WWC1: variants seen among roughly 807,000 people sequenced by gnomAD.
The protein encoded by WWC1 is protein KIBRA.
WWC1 carries 55 observed loss-of-function variants against 138.4 expected under a neutral mutation model. That is an observed-to-expected ratio of 0.40 (90% CI 0.32 to 0.50). The LOEUF (loss-of-function observed/expected upper bound fraction) is 0.50, where lower values mean the gene tolerates loss of function less well. WWC1 is among the 20% of genes least tolerant of loss of function. The pLI, the probability that WWC1 is intolerant of heterozygous loss-of-function variation, is 0.72. For synonymous variants in WWC1, 524 were observed against 564.9 expected (o/e 0.93, Z 1.03); for missense variants, 1,226 against 1,420.4 (o/e 0.86, Z 2.20).
intron 1 of WWC1, among the ~76,000 whole-genome samples, chr5:168,347,024 T>C (rs942326970): frequency 6.6e-6 from 1 of 152,152 alleles, no homozygotes; most frequent in African/African-American, 2.4e-5. Context: ...GCAGGCATTG[T>C]TTCCCTGGAT....
chr5:168,333,092 G>C (rs1298521040), intron 1 of WWC1, among the ~76,000 whole-genome samples: 1 of 152,184 alleles, frequency 6.6e-6, no homozygotes, highest in South Asian at 2.1e-4. Context: ...GCATCTCTGG[G>C]GATGGCACCC....
chr5:168,468,090 T>A, intron 22 of WWC1, 126 bp downstream of exon 22: 1 of 1,471,924 alleles, frequency 6.8e-7, no homozygotes, highest in Non-Finnish European at 9.2e-7. Context: ...GTAACAGATG[T>A]TCATCCTCCG....
rs1481532624 is a variant in WWC1 at position 168,444,563 on chromosome 5, A to C, written c.2503A>C (p.Thr835Pro). Residue 835 changes from threonine to proline, a missense_variant, in exon 17 of 23, where the codon ACA (threonine) becomes CCA (proline). Transcript: ENST00000265293. Reference protein sequence around the residue: ...LEKRQEGRSSTQTLEDSWRYE... With the variant: ...LEKRQEGRSSPQTLEDSWRYE... ...GAAGAGGCAGGAGGGCAGGAGCAGC[A>C]CACAGACACTGGAAGACAGCTGGTG... 1 of 1,612,672 alleles carries C rather than the reference A, an allele frequency of 6.2e-7. No individual in the cohort carries two copies. The highest frequency in any genetic ancestry group is 8.5e-7 in the Non-Finnish European group (1 of 1,179,610).
intron 1 of WWC1, among the ~76,000 whole-genome samples, chr5:168,320,988 A>G (rs934074119): frequency 6.6e-6 from 1 of 152,114 alleles, no homozygotes; most frequent in Admixed American, 6.5e-5. Context: ...TGGATGATGA[A>G]TGGCTCCTAA....
chr5:168,339,250 C>T (rs1189984097), intron 1 of WWC1, among the ~76,000 whole-genome samples: 1 of 152,074 alleles, frequency 6.6e-6, no homozygotes, highest in South Asian at 2.1e-4. Flanking sequence ...TCCAGCTGGG[C>T]TCCTGGTAGA....
intron 2 of WWC1, among the ~76,000 whole-genome samples, chr5:168,380,200 T>A (rs955209141): frequency 1.3e-5 from 2 of 152,184 alleles, no homozygotes; most frequent in Admixed American, 6.5e-5. Context: ...ATCCCAGCAC[T>A]TCAGGGTGCT....
At chr5:168,448,829 C>G (rs890140162) in intron 17 of WWC1, among the ~76,000 whole-genome samples, 2 of 152,034 alleles carry the variant, frequency 1.3e-5, no homozygotes, top group African/African-American at 4.8e-5. Context: ...CCGTGTTAGC[C>G]AGGATGGTCT....
At chr5:168,368,659 C>T (rs904631019) in intron 1 of WWC1, among the ~76,000 whole-genome samples, 5 of 152,262 alleles carry the variant, frequency 3.3e-5, no homozygotes, top group East Asian at 1.9e-4. Context: ...GGCATACCTG[C>T]GTGTGGAGCT....
chr5:168,339,270 C>T (rs1187852286), intron 1 of WWC1, among the ~76,000 whole-genome samples: 1 of 152,052 alleles, frequency 6.6e-6, no homozygotes, highest in African/African-American at 2.4e-5. Flanking sequence ...AAATAAGACT[C>T]TAAGAGCAGA....
At chr5:168,437,266 C>T (rs114665914) in intron 15 of WWC1, among the ~76,000 whole-genome samples, 2 of 152,270 alleles carry the variant, frequency 1.3e-5, no homozygotes, top group African/African-American at 4.8e-5. Context: ...AGCCCCTTTC[C>T]CTGTAGTATT....
chr5:168,443,137 C>G (rs766790903), intron 16 of WWC1, among the ~76,000 whole-genome samples: 1 of 152,186 alleles, frequency 6.6e-6, no homozygotes, highest in African/African-American at 2.4e-5. Flanking sequence ...AATGATCCTT[C>G]CCTCTCTGTA....
chr5:168,366,442 G>T (rs1003811140), intron 1 of WWC1, among the ~76,000 whole-genome samples: 4 of 152,160 alleles, frequency 2.6e-5, no homozygotes, highest in African/African-American at 9.7e-5. Context: ...TCGCATCAAA[G>T]GGGAATGAGA....
rs182017280 is a variant in WWC1 at position 168,380,118 on chromosome 5, A to G, written c.230-5093A>G. Among the ~76,000 whole-genome samples the G allele has an allele frequency of 7.7e-3, 1,177 of 152,348 alleles. 4 individuals are homozygous for G. The highest frequency in any genetic ancestry group is 0.017 in the Middle Eastern group (5 of 294). The stretch of plus-strand genomic sequence containing the variant: ...CAATACATATCTCTAACAAAGAACC[A>G]TATTCCAAGTATGTAAAGACGTCCT... On this transcript the variant is annotated intron_variant, in intron 2 of 22. Coordinates refer to ENST00000265293, the MANE Select transcript of WWC1 (RefSeq NM_015238.3).
chr5:168,399,435 C>T (rs1365794373), intron 4 of WWC1, 53 bp from the exon 5 acceptor site: 10 of 1,599,544 alleles, frequency 6.3e-6, no homozygotes, highest in Non-Finnish European at 7.7e-6. Context: ...AGGCAGCCTG[C>T]ACCTTGGTGT....
chr5:168,423,487 A>C lies in WWC1; in HGVS notation c.1275-46A>C, dbSNP rs770583955. ...CTCAGCAGAAGGTCTCAGGGGGCCC[A>C]CTTCACTGTGTGCATCTCACTGTCC... On this transcript the variant is annotated intron_variant, in intron 10 of 22. Transcript: ENST00000265293. 4 of 1,563,508 alleles carry C rather than the reference A, an allele frequency of 2.6e-6. No individual in the cohort carries two copies. In the South Asian group the frequency reaches 4.9e-5, roughly 19 times the overall value.
chr5:168,309,240 A>T (rs1185919948), intron 1 of WWC1, among the ~76,000 whole-genome samples: 1 of 145,812 alleles, frequency 6.9e-6, no homozygotes, highest in Non-Finnish European at 1.5e-5. Context: ...CTTCAACCAC[A>T]TCCTTTGCCA....
intron 8 of WWC1, chr5:168,412,007 C>T: frequency 1.0e-6 from 1 of 985,380 alleles, no homozygotes; most frequent in Non-Finnish European, 1.2e-6. Context: ...TATTTCAGCT[C>T]CCCCAGGCGT....
intron 1 of WWC1, among the ~76,000 whole-genome samples, chr5:168,339,191 T>G (rs7729594): frequency 0.64 from 97,463 of 152,024 alleles, 31,427 homozygotes; most frequent in South Asian, 0.69. Flanking sequence ...GAAGCTGTTG[T>G]CCCCTCAGCA....
chr5:168,441,586 G>A, intron 15 of WWC1, 96 bp from the exon 16 acceptor site: 1 of 1,316,540 alleles, frequency 7.6e-7, no homozygotes, highest in Non-Finnish European at 1.1e-6. Context: ...CATCTGGAGT[G>A]GTGTTTTTTC....
Sources: gnomAD v4.1 joint callset for allele counts (sites outside exome capture counted in the v4.1 genomes callset) on GRCh38, gnomAD v4.1.1 for gene constraint, MANE v1.5 for transcripts, NCBI Gene and HGNC (gene_info 2026-07-23, HGNC 2026-07-21) for gene names.